Variants in ELOVL2 observed in about 807,000 individuals in gnomAD.
The protein encoded by ELOVL2 is very long chain fatty acid elongase 2.
Under a neutral mutation model 37.7 loss-of-function variants are expected in ELOVL2, and 38 were observed. The observed-to-expected ratio is 1.01, with a 90% confidence interval of 0.78 to 1.32. The LOEUF (loss-of-function observed/expected upper bound fraction) is 1.32. Among genes scored for constraint, ELOVL2 ranks in the 40% most tolerant of loss-of-function variants. The pLI, the probability that ELOVL2 is intolerant of heterozygous loss-of-function variation, is 0.00. For missense variants in ELOVL2, 352 were observed against 363.6 expected (o/e 0.97, Z 0.26); for synonymous variants, 115 against 122.3 (o/e 0.94, Z 0.40).
At chr6:10,985,657 T>C (rs1581855641) in intron 7 of ELOVL2, among the ~76,000 whole-genome samples, 1 of 152,070 alleles carries the variant, frequency 6.6e-6, no homozygotes, top group East Asian at 1.9e-4. Context: ...CAGATAGTTG[T>C]AGATACGCAG....
intron 1 of ELOVL2, among the ~76,000 whole-genome samples, chr6:11,012,696 G>T (rs1782605016): frequency 6.6e-6 from 1 of 152,194 alleles, no homozygotes; most frequent in Admixed American, 6.5e-5. Flanking sequence ...AACAAGGGAA[G>T]ATGTGGAGAA....
chr6:10,988,782 T>C (rs1374115602), intron 7 of ELOVL2, among the ~76,000 whole-genome samples: 1 of 152,072 alleles, frequency 6.6e-6, no homozygotes, highest in East Asian at 1.9e-4. Flanking sequence ...CTGAGGCCTC[T>C]TCTCTGTTAT....
intron 1 of ELOVL2, among the ~76,000 whole-genome samples, chr6:11,023,732 G>A (rs77273013): frequency 0.016 from 2,504 of 152,268 alleles, 60 homozygotes; most frequent in African/African-American, 0.057. Flanking sequence ...GTGACGGTGA[G>A]CTGCCCTTGA....
At chr6:10,989,679 G>A (rs779181644) in intron 7 of ELOVL2, 24 bp downstream of exon 7, 1 of 1,606,684 alleles carries the variant, frequency 6.2e-7, no homozygotes, top group Admixed American at 1.7e-5. Flanking sequence ...ACATTTTACT[G>A]CTGAATATTT....
rs1782918445 is a variant in ELOVL2, at chr6:11,030,741, C to T, written c.3+13487G>A. 2.0e-5 allele frequency among the ~76,000 whole-genome samples: 3 copies of T among 152,190 alleles called. No homozygotes were observed. The South Asian group carries it at 6.2e-4, about 31-fold the overall frequency. ...TCTCCTGACCTCGTGATCTGCCCGT[C>T]TCAGCCTCCCAAAGTGCTGGGATTA... On this transcript the variant is annotated intron_variant, in intron 1 of 7. Coordinates refer to ENST00000354666, the MANE Select transcript of ELOVL2 (RefSeq NM_017770.4).
At position 10,986,643 on chromosome 6, in the gene ELOVL2, G is replaced by A. The variant is rs551768650; in HGVS notation, c.766-2737C>T. Among the ~76,000 whole-genome samples the A allele has an allele frequency of 2.2e-3, 335 of 152,136 alleles. 3 individuals carry two copies. The highest frequency in any genetic ancestry group is 9.1e-3 in the South Asian group (44 of 4,810). On this transcript the variant is annotated intron_variant, in intron 7 of 7. Coordinates refer to ENST00000354666, the MANE Select transcript of ELOVL2 (RefSeq NM_017770.4). ...TGTCTTTGGTTCTGTTTATATGCTG[G>A]ATTACATTTATTGATTTGCATATAT...
In ELOVL2 at chr6:10,981,654, C is replaced by T. The variant is rs1343117014; in HGVS notation, c.*2127G>A. On this transcript the variant is annotated 3_prime_UTR_variant, in exon 8 of 8. Coordinates refer to ENST00000354666, the MANE Select transcript of ELOVL2 (RefSeq NM_017770.4). Reference sequence around the variant, plus strand: ...TTGTCTGCTGAAGGACAGCTCCCTCCTTGCCATACAGATATGAAGCCCAGG... The same window carrying T: ...TTGTCTGCTGAAGGACAGCTCCCTCTTTGCCATACAGATATGAAGCCCAGG... 6.6e-6 allele frequency: 1 copy of T among 152,294 alleles called. No homozygotes were observed. Among genetic ancestry groups the T allele is most frequent in the African/African-American group, 2.4e-5 (1 of 41,450 alleles). 9.4% of individuals were successfully genotyped at this position (152,294 alleles called of 1,614,324 possible). A position where few individuals can be genotyped will look rare whatever the true frequency, so the allele number is the denominator to read the frequency against.
At chr6:11,019,734 T>G (rs1206998997) in intron 1 of ELOVL2, among the ~76,000 whole-genome samples, 2 of 149,710 alleles carry the variant, frequency 1.3e-5, no homozygotes, top group African/African-American at 2.5e-5. Context: ...TAGTTTAGTT[T>G]TTGTTGTTGT....
intron 2 of ELOVL2, among the ~76,000 whole-genome samples, chr6:11,010,204 A>T (rs983016885): frequency 2.6e-5 from 4 of 152,002 alleles, no homozygotes; most frequent in African/African-American, 9.7e-5. Context: ...TTGTAATTTT[A>T]GTAGAGACGG....
intron 2 of ELOVL2, among the ~76,000 whole-genome samples, chr6:11,006,122 C>G (rs1286492845): frequency 6.6e-6 from 1 of 152,102 alleles, no homozygotes; most frequent in Non-Finnish European, 1.5e-5. Flanking sequence ...TGCCTAGTAT[C>G]AGTAATGGAA....
chr6:11,027,389 C>G (rs932961417), intron 1 of ELOVL2, among the ~76,000 whole-genome samples: 1 of 152,014 alleles, frequency 6.6e-6, no homozygotes, highest in Non-Finnish European at 1.5e-5. Flanking sequence ...GAGTCATGGA[C>G]TTTTTAACTC....
At position 11,044,258 on chromosome 6, in the gene ELOVL2, C is replaced by T; in HGVS notation, c.-28G>A. 2 of 1,330,944 alleles carry T rather than the reference C, an allele frequency of 1.5e-6. No homozygotes were observed. Among genetic ancestry groups the T allele is most frequent in the Non-Finnish European group, 1.9e-6 (2 of 1,042,908 alleles). 82.4% of individuals were successfully genotyped at this position (1,330,944 alleles called of 1,614,324 possible). Reference sequence around the variant, plus strand: ...TCCGCAGCGGCTGTGGCGCGGCGACCCGGGCGGGCGGCGATGCGCTGTCCA... The same window carrying T: ...TCCGCAGCGGCTGTGGCGCGGCGACTCGGGCGGGCGGCGATGCGCTGTCCA... On this transcript the variant is annotated 5_prime_UTR_variant, in exon 1 of 8. Transcript: ENST00000354666. The surrounding 1 kb of genome is among the most constrained non-coding windows in gnomAD (Gnocchi z 5.6).
chr6:11,038,344 C>T (rs9461435), intron 1 of ELOVL2, among the ~76,000 whole-genome samples: 3,459 of 152,078 alleles, frequency 0.023, 150 homozygotes, highest in East Asian at 0.19. Context: ...ATTTATTCAG[C>T]ATGGTGTGCG....
chr6:10,996,699 T>C, intron 4 of ELOVL2, among the ~76,000 whole-genome samples: 1 of 149,742 alleles, frequency 6.7e-6, no homozygotes, highest in African/African-American at 2.5e-5. Flanking sequence ...CCATCTTGAC[T>C]GGGCGTGGAG....
At chr6:11,009,913 G>A (rs1301116264) in intron 2 of ELOVL2, among the ~76,000 whole-genome samples, 1 of 152,144 alleles carries the variant, frequency 6.6e-6, no homozygotes, top group Non-Finnish European at 1.5e-5. Context: ...AAGAGGGGAG[G>A]CCTGTTAGGA....
In ELOVL2 at chr6:11,000,087, C is replaced by G. The variant is rs764798562; in HGVS notation, c.333G>C (p.Arg111=). ...GGTTGATTTGCTTCTAGTGGCTCAC[C>G]CGGATGTCAGCTTCCCCTGCGCTGG... ...DLTSAGEADI[R]VAKVLWWYYF... Residue 111 remains arginine (R), a splice_region_variant and synonymous_variant, in exon 4 of 8, where the codon CGG becomes CGC. Coordinates refer to ENST00000354666, the MANE Select transcript of ELOVL2 (RefSeq NM_017770.4). 3 of 1,613,958 alleles carry G rather than the reference C, an allele frequency of 1.9e-6. No homozygotes were observed. The highest frequency in any genetic ancestry group is 2.5e-6 in the Non-Finnish European group (3 of 1,179,876).
chr6:10,995,389 A>G (rs1039517020), intron 4 of ELOVL2, among the ~76,000 whole-genome samples: 17 of 151,228 alleles, frequency 1.1e-4, no homozygotes, highest in Non-Finnish European at 2.2e-4. Context: ...TTTTTCCAGA[A>G]CACATGTGTG....
At chr6:11,015,967 G>GA (rs1782678140) in intron 1 of ELOVL2, 1 of 152,176 alleles carries the variant, frequency 6.6e-6, no homozygotes, top group Non-Finnish European at 1.5e-5. Flanking sequence ...CTTGCAATCA[G>GA]AATCACTGCC....
chr6:10,991,756 T>G (rs1247111682), intron 5 of ELOVL2, among the ~76,000 whole-genome samples: 1 of 152,208 alleles, frequency 6.6e-6, no homozygotes, highest in Non-Finnish European at 1.5e-5. Flanking sequence ...CCAAGCAGCA[T>G]AGTATTAGTG....
Sources: gnomAD v4.1 joint callset for allele counts (sites outside exome capture counted in the v4.1 genomes callset) on GRCh38, gnomAD v4.1.1 for gene constraint, Gnocchi (gnomAD v3.1) non-coding constraint, MANE v1.5 for transcripts, NCBI Gene and HGNC (gene_info 2026-07-23, HGNC 2026-07-21) for gene names.